Variants in ADGRL2 observed in about 807,000 individuals in gnomAD.
ADGRL2 encodes the protein adhesion G protein-coupled receptor L2, also known as calcium-independent alpha-latrotoxin receptor 2.
In ADGRL2, 44 loss-of-function variants were observed where a neutral mutation model predicts 157.4. The observed-to-expected ratio is 0.28, with a 90% CI of 0.22 to 0.36. ADGRL2 has a LOEUF of 0.36. ADGRL2 is among the 10% of genes least tolerant of loss of function. The pLI, the probability that ADGRL2 is intolerant of heterozygous loss-of-function variation, is 1.00. For synonymous variants in ADGRL2, 585 were observed against 624.7 expected, an observed-to-expected ratio of 0.94 and a Z score of 0.95; for missense variants, 1,510 against 1,768.9, an observed-to-expected ratio of 0.85 and a Z score of 2.63.
chr1:81,466,221 T>C (rs1007855529), intron 2 of ADGRL2, among the ~76,000 whole-genome samples: 3 of 152,206 alleles, frequency 2.0e-5, no homozygotes, highest in Non-Finnish European at 4.4e-5. Flanking sequence ...TTTGATTCCT[T>C]TTCTCCCAGA....
intron 3 of ADGRL2, among the ~76,000 whole-genome samples, chr1:81,622,134 G>A (rs1159042287): frequency 1.3e-5 from 2 of 152,116 alleles, no homozygotes; most frequent in Non-Finnish European, 1.5e-5. Context: ...CATCATTACA[G>A]AACTAATATG....
intron 3 of ADGRL2, among the ~76,000 whole-genome samples, chr1:81,589,521 A>G (rs2081091513): frequency 6.6e-6 from 1 of 152,196 alleles, no homozygotes; most frequent in African/African-American, 2.4e-5. Context: ...TATCACATGC[A>G]GCATAACAGC....
chr1:81,503,052 G>A lies in ADGRL2; in HGVS notation c.-248+57963G>A, dbSNP rs2148027069. The A allele has an allele frequency of 1.9e-6, 3 of 1,610,780 alleles. No individual in the cohort carries two copies. The South Asian group carries it at 3.3e-5, about 18-fold the overall frequency. On this transcript the variant is annotated intron_variant, in intron 2 of 24. Transcript: ENST00000370721. ...CTGGTACTCGGACCGCCGCACTGGA[G>A]CAGCTGCGGGAGCGGCTGGAGTCAG... is the stretch of plus-strand genomic sequence containing the variant.
chr1:81,951,983 T>C lies in ADGRL2; in HGVS notation c.1635T>C (p.Ser545=). 1 of 1,608,942 alleles carries C rather than the reference T, an allele frequency of 6.2e-7. No homozygotes were observed. The highest frequency in any genetic ancestry group is 8.5e-7 in the Non-Finnish European group (1 of 1,177,406). The change falls in exon 9 of 24, where the codon AGT becomes AGC. Residue 545 remains serine, a synonymous_variant. Coordinates refer to ENST00000686636, the MANE Select transcript of ADGRL2 (RefSeq NM_001366006.2). Reference sequence around the variant, plus strand: ...TCAGAAGCGGAGAAAATGCTGCTAGTCTTGCCAATGAACTGGCTAAACATA... The same window carrying C: ...TCAGAAGCGGAGAAAATGCTGCTAGCCTTGCCAATGAACTGGCTAAACATA... The part of the protein sequence containing the change: ...QKIRSGENAA[S]LANELAKHTK...
At chr1:81,979,044 G>A (rs1446297226) in intron 17 of ADGRL2, among the ~76,000 whole-genome samples, 1 of 151,692 alleles carries the variant, frequency 6.6e-6, no homozygotes, top group Non-Finnish European at 1.5e-5. Flanking sequence ...ATTCTGCCAG[G>A]TGTCTGTAGA....
At chr1:81,738,215 A>G (rs2149211336) in intron 1 of ADGRL2, among the ~76,000 whole-genome samples, 1 of 152,352 alleles carries the variant, frequency 6.6e-6, no homozygotes, top group East Asian at 1.9e-4. Flanking sequence ...CTAAGTGATA[A>G]GCAATACACC....
intron 2 of ADGRL2, among the ~76,000 whole-genome samples, chr1:81,885,326 T>A (rs1488866583): frequency 1.3e-5 from 2 of 151,994 alleles, no homozygotes; most frequent in Non-Finnish European, 2.9e-5. Context: ...CAGAGGAATT[T>A]AAAAAAAATG....
At chr1:81,836,019 A>T (rs1300519741) in intron 1 of ADGRL2, among the ~76,000 whole-genome samples, 1 of 152,120 alleles carries the variant, frequency 6.6e-6, no homozygotes, top group African/African-American at 2.4e-5. Context: ...GTAAATGCAC[A>T]GTAGGTCAGA....
intron 2 of ADGRL2, among the ~76,000 whole-genome samples, chr1:81,786,213 A>G (rs2087037652): frequency 6.6e-6 from 1 of 152,262 alleles, no homozygotes. Flanking sequence ...AAAGAAAATT[A>G]GGAATAATGA....
At chr1:81,574,948 A>C (rs1002529454) in intron 2 of ADGRL2, among the ~76,000 whole-genome samples, 1 of 152,212 alleles carries the variant, frequency 6.6e-6, no homozygotes, top group African/African-American at 2.4e-5. Context: ...CTCTGTGTGT[A>C]CTTCCAGCTG....
intron 1 of ADGRL2, among the ~76,000 whole-genome samples, chr1:81,440,540 T>A (rs2077489737): frequency 6.6e-6 from 1 of 152,334 alleles, no homozygotes; most frequent in South Asian, 2.1e-4. Context: ...CCGCAGATTT[T>A]AACTACCCCA....
chr1:81,552,637 A>G (rs1273500873), intron 2 of ADGRL2, among the ~76,000 whole-genome samples: 1 of 151,624 alleles, frequency 6.6e-6, no homozygotes, highest in Non-Finnish European at 1.5e-5. Flanking sequence ...GAAAAGAAAG[A>G]AAAAGAACCC....
intron 1 of ADGRL2, among the ~76,000 whole-genome samples, chr1:81,332,192 T>A (rs1661319498): frequency 6.6e-6 from 1 of 152,156 alleles, no homozygotes; most frequent in Non-Finnish European, 1.5e-5. Flanking sequence ...GAAGCGTAAA[T>A]CACAGCATAA....
At chr1:81,319,875 G>T (rs1407794277) in intron 1 of ADGRL2, among the ~76,000 whole-genome samples, 1 of 152,156 alleles carries the variant, frequency 6.6e-6, no homozygotes, top group East Asian at 1.9e-4. Context: ...GCTGAAGGTT[G>T]CAGTGGCTGT....
At chr1:81,427,010 A>T in intron 1 of ADGRL2, 1 of 995,872 alleles carries the variant, frequency 1.0e-6, no homozygotes, top group Non-Finnish European at 1.6e-6. Context: ...TGTTATTCAG[A>T]AATACCACAG....
chr1:81,397,996 G>A (rs562808410), intron 1 of ADGRL2, among the ~76,000 whole-genome samples: 1 of 152,180 alleles, frequency 6.6e-6, no homozygotes, highest in African/African-American at 2.4e-5. Flanking sequence ...CTGGTGCTTG[G>A]CTTCGGGGTG....
intron 3 of ADGRL2, among the ~76,000 whole-genome samples, chr1:81,664,768 C>T (rs927582368): frequency 2.0e-5 from 3 of 152,212 alleles, no homozygotes; most frequent in African/African-American, 7.2e-5. Flanking sequence ...TTCTGTCCCT[C>T]TATAGTCCTA....
At chr1:81,616,018 G>T (rs1306708336) in intron 3 of ADGRL2, among the ~76,000 whole-genome samples, 2 of 151,898 alleles carry the variant, frequency 1.3e-5, no homozygotes, top group African/African-American at 2.4e-5. Flanking sequence ...TTATGCCACT[G>T]CGCACTCAAG....
intron 1 of ADGRL2, among the ~76,000 whole-genome samples, chr1:81,814,546 A>G (rs2090192349): frequency 6.6e-6 from 1 of 151,566 alleles, no homozygotes. Context: ...TCTAGAATGC[A>G]AAATTATAAA....
Sources: gnomAD v4.1 joint callset for allele counts (sites outside exome capture counted in the v4.1 genomes callset) on GRCh38, gnomAD v4.1.1 for gene constraint, MANE v1.5 for transcripts, NCBI Gene and HGNC (gene_info 2026-07-23, HGNC 2026-07-21) for gene names.